Variants in EPCAM observed in about 807,000 individuals in gnomAD.
EPCAM encodes the protein epithelial cell adhesion molecule.
Under a neutral mutation model 40.0 loss-of-function variants are expected in EPCAM, and 39 were observed. The ratio of observed to expected loss-of-function variants is 0.98; its 90% CI spans 0.76 to 1.27. The LOEUF (loss-of-function observed/expected upper bound fraction) is 1.27, where lower values mean the gene tolerates loss of function less well. Among genes scored for constraint, EPCAM ranks in the 50% most tolerant of loss-of-function variants. The probability of loss-of-function intolerance (pLI) is 0.00; values close to 1 mark genes in which losing one functional copy is unlikely to be tolerated. For synonymous variants in EPCAM, 168 were observed against 132.3 expected (o/e 1.27, Z -1.85); for missense variants, 503 against 381.2 (o/e 1.32, Z -2.66).
chr2:47,370,775 G>A (rs1671240980), intron 1 of EPCAM, among the ~76,000 whole-genome samples: 1 of 151,368 alleles, frequency 6.6e-6, no homozygotes, highest in Admixed American at 6.6e-5. Flanking sequence ...TTGTTGCCCA[G>A]GCTGGAGTAC....
At chr2:47,370,040 G>A (rs1327097622) in intron 1 of EPCAM, among the ~76,000 whole-genome samples, 1 of 152,224 alleles carries the variant, frequency 6.6e-6, no homozygotes, top group Non-Finnish European at 1.5e-5. Context: ...GGCCTCAGGC[G>A]GGGACAGGCG....
chr2:47,370,565 G>A (rs554334564), intron 1 of EPCAM, among the ~76,000 whole-genome samples: 68 of 149,662 alleles, frequency 4.5e-4, no homozygotes, highest in Non-Finnish European at 9.3e-4. Context: ...GTGAGCCACC[G>A]TGCCCGGCCT....
chr2:47,382,292 C>G (rs1671615352), intron 7 of EPCAM, among the ~76,000 whole-genome samples: 1 of 152,262 alleles, frequency 6.6e-6, no homozygotes, highest in South Asian at 2.1e-4. Context: ...GGCAAATGAA[C>G]ACAAGTGGTT....
At chr2:47,374,199 G>A (rs948545566) in intron 3 of EPCAM, 151 bp downstream of exon 3, 7 of 867,028 alleles carry the variant, frequency 8.1e-6, no homozygotes, top group South Asian at 1.5e-5. Flanking sequence ...AGTCCCCCTC[G>A]CTACCCATTG....
intron 6 of EPCAM, among the ~76,000 whole-genome samples, chr2:47,379,455 G>C (rs991454924): frequency 1.3e-5 from 2 of 152,122 alleles, no homozygotes; most frequent in Non-Finnish European, 2.9e-5. Context: ...TATGAGGTTT[G>C]CTTCAAAATA....
intron 7 of EPCAM, among the ~76,000 whole-genome samples, chr2:47,381,392 CAAAAAAAA>C (rs370875469): frequency 9.4e-5 from 7 of 74,356 alleles, no homozygotes; most frequent in African/African-American, 2.3e-4. Flanking sequence ...AACTCCGTCT[CAAAAAAAA>C]AAAAAAAAAA....
At chr2:47,378,401 A>T in intron 5 of EPCAM, among the ~76,000 whole-genome samples, 1 of 149,610 alleles carries the variant, frequency 6.7e-6, no homozygotes, top group Non-Finnish European at 1.5e-5. Flanking sequence ...TCCCAGGTTC[A>T]AGCGATTCTC....
rs760722807 is a variant in EPCAM, at chr2:47,383,607, CTTTTT to C, written c.859-1518_859-1514del. On this transcript the variant is annotated intron_variant, in intron 7 of 8. Transcript: ENST00000263735. ...CATGAGCCACTGTGCCCGGCTTCTT[CTTTTT>C]TTTTTTTTTTTTTTTTTTTTTTTTT... Among the ~76,000 whole-genome samples, 195 of 36,422 alleles carry C rather than the reference CTTTTT, an allele frequency of 5.4e-3. 4 individuals carry two copies. The highest frequency in any genetic ancestry group is 6.5e-3 in the Non-Finnish European group (99 of 15,120). The allele number at this position is 36,422 out of a possible 152,430, so 23.9% of individuals were successfully genotyped here.
At chr2:47,385,909 A>G (rs1287954163) in intron 8 of EPCAM, among the ~76,000 whole-genome samples, 1 of 152,202 alleles carries the variant, frequency 6.6e-6, no homozygotes, top group Non-Finnish European at 1.5e-5. Context: ...AGTCTAGAAG[A>G]CTAACCCTGA....
In EPCAM at chr2:47,385,995, G is replaced by T. The variant is rs755605545; in HGVS notation, c.904-577G>T. On this transcript the variant is annotated intron_variant, in intron 8 of 8. Coordinates refer to ENST00000263735, the MANE Select transcript of EPCAM (RefSeq NM_002354.3). ...GCAGTACAGACCTGGGTTTGGCTGGGCAAAATTATATAACTTCTTTAAGCC... is the reference window on the plus strand; with the variant it reads ...GCAGTACAGACCTGGGTTTGGCTGGTCAAAATTATATAACTTCTTTAAGCC... 1.1e-4 allele frequency among the ~76,000 whole-genome samples: 16 copies of T among 152,260 alleles called. No homozygotes were observed. The South Asian group carries it at 1.2e-3, about 12-fold the overall frequency.
At chr2:47,383,040 C>T (rs1257759075) in intron 7 of EPCAM, 1 of 151,314 alleles carries the variant, frequency 6.6e-6, no homozygotes, top group Non-Finnish European at 1.5e-5. Context: ...GACGTGGTGG[C>T]TCACTGCTGT....
At chr2:47,369,666 T>C (rs1671166622) in intron 1 of EPCAM, 85 bp downstream of exon 1, 3 of 1,346,826 alleles carry the variant, frequency 2.2e-6, no homozygotes, top group Non-Finnish European at 3.1e-6. Flanking sequence ...GAAACGGGCA[T>C]AATAGGGAGG....
Position 47,373,849 on chromosome 2 carries a change from T to G in EPCAM, c.226T>G (p.Ser76Ala). The stretch of plus-strand genomic sequence containing the variant: ...GGTGATGAAGGCAGAAATGAATGGC[T>G]CAAAACTTGGGAGAAGAGCAAAACC... ...CLVMKAEMNG[S>A]KLGRRAKPEG... Residue 76 changes from serine to alanine, a missense_variant, in exon 3 of 9, where the codon TCA becomes GCA. Transcript: ENST00000263735. The G allele has an allele frequency of 6.2e-7, 1 of 1,614,070 alleles. No homozygotes were observed.
chr2:47,378,124 G>A (rs1035226323), intron 5 of EPCAM, among the ~76,000 whole-genome samples: 11 of 151,844 alleles, frequency 7.2e-5, no homozygotes, highest in Admixed American at 2.0e-4. Flanking sequence ...CCAGCTACTC[G>A]GGAGGCTTGA....
chr2:47,377,937 A>G (rs910385648), intron 5 of EPCAM, among the ~76,000 whole-genome samples: 6 of 151,988 alleles, frequency 3.9e-5, no homozygotes, highest in African/African-American at 1.4e-4. Flanking sequence ...TTTACTCTTT[A>G]AAAACAAAAT....
intron 6 of EPCAM, 137 bp from the exon 7 acceptor site, chr2:47,379,632 A>G (rs1290163546): frequency 9.7e-6 from 10 of 1,027,964 alleles, no homozygotes; most frequent in Non-Finnish European, 1.4e-5. Flanking sequence ...TAAAGTTCCA[A>G]TAAATTAGAT....
At chr2:47,384,134 T>C (rs1210391996) in intron 7 of EPCAM, among the ~76,000 whole-genome samples, 1 of 151,484 alleles carries the variant, frequency 6.6e-6, no homozygotes. Flanking sequence ...CAGAGTCTCC[T>C]TCTGTTGCCC....
chr2:47,377,567 C>T (rs1302275921), intron 5 of EPCAM: 3 of 251,156 alleles, frequency 1.2e-5, no homozygotes, highest in Non-Finnish European at 2.4e-5. Flanking sequence ...GTTTTCCTTC[C>T]ATAGCCTTTG....
chr2:47,378,842 T>C lies in EPCAM; in HGVS notation c.556-111T>C, dbSNP rs1671497395. ...ACTAATGGAAAGGAACAGTGATGCA[T>C]GTAGATTATAGAAAATCAAACACTG... On this transcript the variant is annotated intron_variant, in intron 5 of 8. Coordinates refer to ENST00000263735, the MANE Select transcript of EPCAM (RefSeq NM_002354.3). 1.9e-5 allele frequency: 13 copies of C among 679,504 alleles called. No homozygotes were observed. In the South Asian group the frequency reaches 2.1e-4, roughly 11 times the overall value. 42.1% of individuals were successfully genotyped at this position (679,504 alleles called of 1,614,324 possible).
Sources: allele counts gnomAD v4.1 joint callset (sites outside exome capture counted in the v4.1 genomes callset), GRCh38; gene constraint gnomAD v4.1.1; transcripts MANE v1.5; gene names NCBI Gene and HGNC (gene_info 2026-07-23, HGNC 2026-07-21).